The following SLC38A9 variants were observed in gnomAD, a reference collection of about 807,000 sequenced individuals.
SLC38A9 encodes the protein neutral amino acid transporter 9.
A neutral mutation model predicts 62.3 loss-of-function variants in SLC38A9; 48 were observed. The ratio of observed to expected loss-of-function variants is 0.77; its 90% CI spans 0.61 to 0.98. The LOEUF (loss-of-function observed/expected upper bound fraction) is 0.98, where lower values mean the gene tolerates loss of function less well. Ranked by LOEUF, SLC38A9 falls within the 50% of genes least tolerant of loss-of-function variation. SLC38A9 has a pLI of 0.00. For synonymous variants in SLC38A9, 204 were observed against 227.7 expected (o/e 0.90, Z 0.94); for missense variants, 541 against 679.8 (o/e 0.80, Z 2.27).
At chr5:55,635,473 T>C in intron 13 of SLC38A9, 71 bp downstream of exon 13, 1 of 1,109,660 alleles carries the variant, frequency 9.0e-7, no homozygotes, top group Non-Finnish European at 1.4e-6. Flanking sequence ...ATCTTGCCAC[T>C]GTATCACCCT....
chr5:55,707,494 C>T (rs543670032), intron 2 of SLC38A9, among the ~76,000 whole-genome samples: 3 of 152,262 alleles, frequency 2.0e-5, no homozygotes, highest in East Asian at 1.9e-4. Context: ...TGGTGGCACA[C>T]ACGTGTAGTC....
intron 8 of SLC38A9, among the ~76,000 whole-genome samples, chr5:55,657,690 CTTTAT>C (rs1457852739): frequency 2.6e-5 from 4 of 152,122 alleles, no homozygotes; most frequent in African/African-American, 9.7e-5. Context: ...AGGGGGTTTA[CTTTAT>C]TCTGTTTGAT....
At chr5:55,645,092 G>C (rs73125620) in intron 12 of SLC38A9, among the ~76,000 whole-genome samples, 4,784 of 152,184 alleles carry the variant, frequency 0.031, 93 homozygotes, top group African/African-American at 0.054. Flanking sequence ...ATGGGGTTTT[G>C]CTCTGTTGAC....
In SLC38A9 at chr5:55,633,751, T is replaced by C. The variant is rs1286586762; in HGVS notation, c.1430+3A>G. On this transcript the variant is annotated splice_donor_region_variant and intron_variant, in intron 14 of 15. Transcript: ENST00000396865. ...TCCTGCTGGTCAAGAGAAGAGCCCT[T>C]ACCTAGGATAAATGTCACCGAAGAT... 1.2e-6 allele frequency: 2 copies of C among 1,614,086 alleles called. No individual in the cohort carries two copies. The highest frequency in any genetic ancestry group is 3.3e-5 in the Admixed American group (2 of 60,014).
chr5:55,659,542 C>A (rs1359971455), intron 8 of SLC38A9, among the ~76,000 whole-genome samples: 1 of 151,810 alleles, frequency 6.6e-6, no homozygotes, highest in African/African-American at 2.4e-5. Context: ...TGCCCACCAC[C>A]ACGCCTGGCT....
chr5:55,709,400 T>A (rs1372964032), intron 2 of SLC38A9, among the ~76,000 whole-genome samples: 5 of 152,146 alleles, frequency 3.3e-5, no homozygotes, highest in African/African-American at 1.2e-4. Context: ...TTTTAACTTT[T>A]AAGCCCATAT....
chr5:55,632,096 T>C (rs990323276), intron 14 of SLC38A9, among the ~76,000 whole-genome samples: 1 of 152,144 alleles, frequency 6.6e-6, no homozygotes, highest in Non-Finnish European at 1.5e-5. Context: ...TAAAAATTAA[T>C]TATATATCTG....
chr5:55,652,584 G>C lies in SLC38A9; in HGVS notation c.897C>G (p.Leu299=), dbSNP rs752212189. The change falls in exon 10 of 16, where the codon CTC becomes CTG. Residue 299 remains leucine (L), a synonymous_variant. Transcript: ENST00000396865. ...GAGACTTGAAATTGAGCAGTGGGAG[G>C]AGGAGCCCTACAAGATAAAAGGGGA... The part of the protein sequence containing the change: ...RTVPFYLVGL[L]LPLLNFKSPS... 2 of 1,611,120 alleles carry C rather than the reference G, an allele frequency of 1.2e-6. No homozygotes were observed. Among genetic ancestry groups the C allele is most frequent in the East Asian group, 2.2e-5 (1 of 44,836 alleles).
intron 2 of SLC38A9, among the ~76,000 whole-genome samples, chr5:55,704,652 C>A (rs549730565): frequency 6.6e-6 from 1 of 152,206 alleles, no homozygotes; most frequent in Admixed American, 6.5e-5. Context: ...TAGCCAGAAC[C>A]GTATCACTCC....
chr5:55,658,285 C>T (rs1255914216), intron 8 of SLC38A9, among the ~76,000 whole-genome samples: 8 of 152,140 alleles, frequency 5.3e-5, no homozygotes, highest in Non-Finnish European at 1.2e-4. Flanking sequence ...TCCCGAGTAG[C>T]TGGGATTACA....
intron 2 of SLC38A9, among the ~76,000 whole-genome samples, chr5:55,699,539 A>G (rs1003878955): frequency 5.3e-5 from 8 of 152,330 alleles, no homozygotes; most frequent in African/African-American, 1.4e-4. Context: ...ATATGAGGAA[A>G]TAAAGTACTA....
Position 55,664,980 on chromosome 5 carries a change from C to A in SLC38A9, c.527-117G>T, listed in dbSNP as rs140461250. 15 of 523,878 alleles carry A rather than the reference C, an allele frequency of 2.9e-5. No individual in the cohort carries two copies. The East Asian group carries it at 4.4e-4, about 15-fold the overall frequency. 32.5% of individuals were successfully genotyped at this position (523,878 alleles called of 1,614,324 possible). Reference sequence around the variant, plus strand: ...GCGAAAGATTATGGGTATTCTATCGCTAGACATTAGAATATATTATAAGAT... The same window carrying A: ...GCGAAAGATTATGGGTATTCTATCGATAGACATTAGAATATATTATAAGAT... On this transcript the variant is annotated intron_variant, in intron 7 of 15. Coordinates refer to ENST00000396865, the MANE Select transcript of SLC38A9 (RefSeq NM_173514.4).
chr5:55,670,520 G>C (rs1024147206), intron 4 of SLC38A9, among the ~76,000 whole-genome samples: 2 of 151,996 alleles, frequency 1.3e-5, no homozygotes, highest in Non-Finnish European at 2.9e-5. Flanking sequence ...AATAGTTTTG[G>C]GATTTTCAGA....
chr5:55,646,877 G>C (rs1365645239), intron 11 of SLC38A9, among the ~76,000 whole-genome samples: 1 of 152,004 alleles, frequency 6.6e-6, no homozygotes, highest in East Asian at 1.9e-4. Context: ...CAGCTTCCCT[G>C]GTAACTAGGA....
chr5:55,640,774 T>C (rs1261717099), intron 12 of SLC38A9, among the ~76,000 whole-genome samples: 1 of 151,944 alleles, frequency 6.6e-6, no homozygotes, highest in Middle Eastern at 3.2e-3. Context: ...TTAACAATTG[T>C]CAAAACATTA....
At chr5:55,703,883 C>T in intron 2 of SLC38A9, among the ~76,000 whole-genome samples, 1 of 152,086 alleles carries the variant, frequency 6.6e-6, no homozygotes, top group Non-Finnish European at 1.5e-5. Flanking sequence ...GGCATGGTGG[C>T]TCATTCCTGT....
rs537743291 is a variant in SLC38A9, at chr5:55,660,671, G to C, written c.698-3897C>G. Among the ~76,000 whole-genome samples, 199 of 152,146 alleles carry C rather than the reference G, an allele frequency of 1.3e-3. No homozygotes were observed. The Middle Eastern group carries it at 0.014, about 10-fold the overall frequency. ...TAGCATGGATTATGTCTTCTTAATGGATGTTACTCTCAAGAAGCACAAAAT... is the reference window on the plus strand; with the variant it reads ...TAGCATGGATTATGTCTTCTTAATGCATGTTACTCTCAAGAAGCACAAAAT... On this transcript the variant is annotated intron_variant, in intron 8 of 15. Transcript: ENST00000396865.
chr5:55,630,538 G>A (rs1156935069), intron 14 of SLC38A9, among the ~76,000 whole-genome samples: 2 of 152,070 alleles, frequency 1.3e-5, no homozygotes, highest in African/African-American at 4.8e-5. Context: ...GGATGGTCTC[G>A]ATCTCCTGAC....
rs527474332 is a variant in SLC38A9, at chr5:55,705,730, C to T, written c.-35+5722G>A. On this transcript the variant is annotated intron_variant, in intron 2 of 15. Coordinates refer to ENST00000396865, the MANE Select transcript of SLC38A9 (RefSeq NM_173514.4). ...AAACTCTTTTTTTTTTTTTTGGTGA[C>T]GGAGTCTCGCTCTGTCACCCAGGCT... 1.4e-3 allele frequency among the ~76,000 whole-genome samples: 201 copies of T among 146,736 alleles called. 1 individual carries two copies. The Middle Eastern group carries it at 0.014, about 11-fold the overall frequency.
Sources: gnomAD v4.1 joint callset for allele counts (sites outside exome capture counted in the v4.1 genomes callset) on GRCh38, gnomAD v4.1.1 for gene constraint, MANE v1.5 for transcripts, NCBI Gene and HGNC (gene_info 2026-07-23, HGNC 2026-07-21) for gene names.